Variants in CD86 observed in about 807,000 individuals in gnomAD.
CD86 encodes T-lymphocyte activation antigen CD86.
Under a neutral mutation model 32.1 loss-of-function variants are expected in CD86, and 11 were observed. The ratio of observed to expected loss-of-function variants is 0.34; its 90% CI spans 0.22 to 0.57. The LOEUF is 0.57. Ranked by LOEUF, CD86 falls within the 20% of genes least tolerant of loss-of-function variation. The pLI is 0.86. For synonymous variants in CD86, 137 were observed against 135.3 expected (o/e 1.01, Z -0.09); for missense variants, 359 against 398.4 (o/e 0.90, Z 0.84).
chr3:122,103,950 A>G (rs2073051568), intron 3 of CD86, 103 bp downstream of exon 3: 1 of 918,344 alleles, frequency 1.1e-6, no homozygotes, highest in South Asian at 1.6e-5. Flanking sequence ...CCAGGGGAAA[A>G]GGGGGGTCTA....
At chr3:122,115,935 G>C (rs1396852912) in intron 5 of CD86, among the ~76,000 whole-genome samples, 5 of 152,012 alleles carry the variant, frequency 3.3e-5, no homozygotes, top group Non-Finnish European at 7.4e-5. Context: ...CATGCAGAAA[G>C]GATAGTATTT....
intron 2 of CD86, among the ~76,000 whole-genome samples, chr3:122,102,230 A>G (rs1392507439): frequency 6.6e-6 from 1 of 151,930 alleles, no homozygotes; most frequent in Non-Finnish European, 1.5e-5. Flanking sequence ...CTCTCTCATC[A>G]ACCCATCTCC....
intron 2 of CD86, among the ~76,000 whole-genome samples, chr3:122,102,955 G>A (rs1012807650): frequency 2.1e-5 from 3 of 145,602 alleles, no homozygotes; most frequent in African/African-American, 8.1e-5. Flanking sequence ...TACTCAACGT[G>A]ATTCCCCAAC....
chr3:122,112,083 CAG>C (rs1379172786), intron 5 of CD86, among the ~76,000 whole-genome samples: 1 of 152,120 alleles, frequency 6.6e-6, no homozygotes, highest in Non-Finnish European at 1.5e-5. Context: ...TTTTCCCAAA[CAG>C]AAATCACCCT....
At chr3:122,098,164 A>C (rs1159249137) in intron 2 of CD86, among the ~76,000 whole-genome samples, 1 of 152,230 alleles carries the variant, frequency 6.6e-6, no homozygotes, top group Non-Finnish European at 1.5e-5. Context: ...ACAGACAATA[A>C]CCAAACATAC....
intron 1 of CD86, among the ~76,000 whole-genome samples, chr3:122,085,523 G>A (rs955625519): frequency 6.6e-6 from 1 of 152,180 alleles, no homozygotes; most frequent in Non-Finnish European, 1.5e-5. Context: ...TAGGCTTCAG[G>A]TGCACACTAC....
intron 1 of CD86, among the ~76,000 whole-genome samples, chr3:122,073,774 G>A (rs2072521325): frequency 6.6e-6 from 1 of 152,164 alleles, no homozygotes; most frequent in African/African-American, 2.4e-5. Flanking sequence ...TGTGTTTACG[G>A]TGAAATCCTG....
At chr3:122,069,183 A>G (rs1484681530) in intron 1 of CD86, among the ~76,000 whole-genome samples, 3 of 152,130 alleles carry the variant, frequency 2.0e-5, no homozygotes, top group Non-Finnish European at 2.9e-5. Context: ...CTAGGAGGGC[A>G]GGGACCACAC....
At position 122,119,878 on chromosome 3, in the gene CD86, G is replaced by A. The variant is rs2107554781; in HGVS notation, c.*344G>A. ...ATAGATTGTGTTTTTTTTTTAAATAGACCTCTCAATTTCTGGAAAACTGCC... is the reference window on the plus strand; with the variant it reads ...ATAGATTGTGTTTTTTTTTTAAATAAACCTCTCAATTTCTGGAAAACTGCC... On this transcript the variant is annotated 3_prime_UTR_variant, in exon 7 of 7. Coordinates refer to ENST00000330540, the MANE Select transcript of CD86 (RefSeq NM_175862.5). 1 of 177,408 alleles carries A rather than the reference G, an allele frequency of 5.6e-6. No individual in the cohort carries two copies. Among genetic ancestry groups the A allele is most frequent in the Middle Eastern group, 2.5e-3 (1 of 406 alleles). The allele number at this position is 177,408 out of a possible 1,614,324, so 11.0% of individuals were successfully genotyped here.
At chr3:122,067,248 G>A (rs2072427927) in intron 1 of CD86, among the ~76,000 whole-genome samples, 2 of 152,294 alleles carry the variant, frequency 1.3e-5, no homozygotes, top group South Asian at 2.1e-4. Context: ...GAGGAGTAAG[G>A]CGCGGGTCTT....
At chr3:122,091,300 G>A (rs1331441334) in intron 1 of CD86, among the ~76,000 whole-genome samples, 11 of 152,186 alleles carry the variant, frequency 7.2e-5, no homozygotes, top group Non-Finnish European at 7.3e-5. Context: ...GAAGGCAGGA[G>A]AGGGAGGAAA....
At chr3:122,111,567 A>C (rs1336426431) in intron 5 of CD86, among the ~76,000 whole-genome samples, 1 of 152,224 alleles carries the variant, frequency 6.6e-6, no homozygotes, top group Non-Finnish European at 1.5e-5. Context: ...AAACTTGAGA[A>C]GCTCAACCCA....
At chr3:122,070,782 G>C (rs1576760510) in intron 1 of CD86, among the ~76,000 whole-genome samples, 1 of 152,120 alleles carries the variant, frequency 6.6e-6, no homozygotes, top group African/African-American at 2.4e-5. Flanking sequence ...TTGCAGCAAC[G>C]TTCTATGTAT....
chr3:122,077,875 C>T, intron 1 of CD86: 1 of 985,480 alleles, frequency 1.0e-6, no homozygotes, highest in Non-Finnish European at 1.2e-6. Flanking sequence ...GTTCTACCGT[C>T]AGTCCTGGCA....
intron 2 of CD86, among the ~76,000 whole-genome samples, chr3:122,102,943 G>A (rs1263598285): frequency 6.9e-6 from 1 of 144,786 alleles, no homozygotes; most frequent in African/African-American, 2.7e-5. Flanking sequence ...TTTCAAAGAT[G>A]TTACTCAACG....
intron 3 of CD86, among the ~76,000 whole-genome samples, chr3:122,104,469 T>G (rs951380108): frequency 6.6e-6 from 1 of 152,206 alleles, no homozygotes; most frequent in Non-Finnish European, 1.5e-5. Context: ...TTTTTAAAAC[T>G]ATCACACAGT....
intron 2 of CD86, among the ~76,000 whole-genome samples, chr3:122,096,897 T>C (rs2072916932): frequency 6.6e-6 from 1 of 152,268 alleles, no homozygotes; most frequent in African/African-American, 2.4e-5. Flanking sequence ...TTATAAACAA[T>C]GAATACCTGT....
At chr3:122,099,775 C>T (rs1019886796) in intron 2 of CD86, among the ~76,000 whole-genome samples, 1 of 152,176 alleles carries the variant, frequency 6.6e-6, no homozygotes, top group Admixed American at 6.5e-5. Flanking sequence ...AATTCATCTT[C>T]TCAGTCATAC....
At chr3:122,106,613 G>A in intron 4 of CD86, 113 bp downstream of exon 4, 1 of 924,702 alleles carries the variant, frequency 1.1e-6, no homozygotes, top group South Asian at 1.6e-5. Context: ...GCCATTTTAT[G>A]ACGCTGTTAG....
Sources: allele counts gnomAD v4.1 joint callset (sites outside exome capture counted in the v4.1 genomes callset), GRCh38; gene constraint gnomAD v4.1.1; transcripts MANE v1.5; gene names NCBI Gene and HGNC (gene_info 2026-07-23, HGNC 2026-07-21).